Variants in NDRG3 observed in about 807,000 individuals in gnomAD.
NDRG3 encodes the protein protein NDRG3.
Under a neutral mutation model 57.2 loss-of-function variants are expected in NDRG3, and 23 were observed. The ratio of observed to expected loss-of-function variants is 0.40; its 90% CI spans 0.29 to 0.57. The LOEUF (loss-of-function observed/expected upper bound fraction) is 0.57, where lower values mean the gene tolerates loss of function less well. Among genes scored for constraint, NDRG3 ranks in the 20% least tolerant of loss-of-function variants. The pLI, the probability that NDRG3 is intolerant of heterozygous loss-of-function variation, is 0.42. For missense variants in NDRG3, 384 were observed against 457.3 expected (o/e 0.84, Z 1.46); for synonymous variants, 132 against 162.6 (o/e 0.81, Z 1.43).
intron 6 of NDRG3, among the ~76,000 whole-genome samples, chr20:36,684,020 G>C (rs887445707): frequency 1.3e-4 from 20 of 151,936 alleles, no homozygotes; most frequent in African/African-American, 4.6e-4. Context: ...TTAGATACAG[G>C]GTGTCTCACT....
At chr20:36,720,416 G>A (rs529947149) in intron 2 of NDRG3, among the ~76,000 whole-genome samples, 3 of 152,006 alleles carry the variant, frequency 2.0e-5, no homozygotes, top group South Asian at 4.2e-4. Context: ...CAAGTGATCC[G>A]TCAGCCTTGG....
At chr20:36,740,964 A>AT (rs1002314645) in intron 1 of NDRG3, among the ~76,000 whole-genome samples, 3 of 152,086 alleles carry the variant, frequency 2.0e-5, no homozygotes, top group Non-Finnish European at 4.4e-5. Context: ...TTCGTGTGCT[A>AT]TTTTCAAGTG....
At chr20:36,692,263 G>A (rs989012214) in intron 3 of NDRG3, among the ~76,000 whole-genome samples, 12 of 151,958 alleles carry the variant, frequency 7.9e-5, no homozygotes, top group Non-Finnish European at 1.2e-4. Flanking sequence ...TCTATCGCCC[G>A]CCCAGGCTGG....
intron 1 of NDRG3, among the ~76,000 whole-genome samples, chr20:36,740,944 T>G (rs1276363167): frequency 1.3e-5 from 2 of 152,106 alleles, no homozygotes; most frequent in Non-Finnish European, 2.9e-5. Context: ...ATAATCAAGC[T>G]AGCTAAGTTT....
intron 1 of NDRG3, among the ~76,000 whole-genome samples, chr20:36,730,299 G>A (rs1210016017): frequency 1.3e-5 from 2 of 151,124 alleles, no homozygotes; most frequent in South Asian, 2.1e-4. Flanking sequence ...TTTGTCACTC[G>A]GCTGGAGTGC....
intron 10 of NDRG3, 119 bp from the exon 11 acceptor site, chr20:36,665,420 C>G: frequency 1.2e-5 from 11 of 911,054 alleles, no homozygotes; most frequent in Non-Finnish European, 1.8e-5. Flanking sequence ...TCCTTCACAC[C>G]TGAGAAGGGA....
At chr20:36,693,072 CAAAAAAAAAAAAAAA>C (rs1166724972) in intron 3 of NDRG3, among the ~76,000 whole-genome samples, 2 of 4,526 alleles carry the variant, frequency 4.4e-4, no homozygotes, top group East Asian at 6.8e-3. Flanking sequence ...GACCCTGTCT[CAAAAAAAAAAAAAAA>C]AAAAAAAAAA....
At chr20:36,724,519 T>A (rs1275267) in intron 1 of NDRG3, among the ~76,000 whole-genome samples, 1 of 152,180 alleles carries the variant, frequency 6.6e-6, no homozygotes, top group Non-Finnish European at 1.5e-5. Context: ...ACTTAACTCT[T>A]AAAATATTGG....
At chr20:36,700,684 G>A (rs1352706295) in intron 3 of NDRG3, 3 of 320,270 alleles carry the variant, frequency 9.4e-6, no homozygotes, top group Non-Finnish European at 1.8e-5. Flanking sequence ...ATGAGCCTGT[G>A]CTCAAAGAGC....
At chr20:36,705,543 TG>T (rs1983503177) in intron 3 of NDRG3, among the ~76,000 whole-genome samples, 1 of 152,036 alleles carries the variant, frequency 6.6e-6, no homozygotes, top group African/African-American at 2.4e-5. Flanking sequence ...AACTATTTGC[TG>T]GGGGGTATAC....
At chr20:36,721,578 G>T in intron 2 of NDRG3, 101 bp downstream of exon 2, 1 of 692,908 alleles carries the variant, frequency 1.4e-6, no homozygotes, top group Non-Finnish European at 2.5e-6. Context: ...TGAAAGTCAA[G>T]CTAAATATGT....
At chr20:36,684,250 T>G (rs954061176) in intron 6 of NDRG3, among the ~76,000 whole-genome samples, 163 bp downstream of exon 6, 1 of 152,230 alleles carries the variant, frequency 6.6e-6, no homozygotes, top group African/African-American at 2.4e-5. Context: ...ACTGACTTAT[T>G]TTATAGAACT....
At chr20:36,702,422 G>A (rs893898746) in intron 3 of NDRG3, among the ~76,000 whole-genome samples, 13 of 151,920 alleles carry the variant, frequency 8.6e-5, no homozygotes, top group Admixed American at 6.6e-4. Flanking sequence ...AGGCGTGAGC[G>A]ACCGCGCCCG....
chr20:36,690,204 T>A (rs1350990675), intron 3 of NDRG3, among the ~76,000 whole-genome samples: 1 of 152,250 alleles, frequency 6.6e-6, no homozygotes, highest in Non-Finnish European at 1.5e-5. Flanking sequence ...GTTTGTACCC[T>A]CTACTCCTAA....
chr20:36,722,042 G>A (rs1358269172), intron 1 of NDRG3, among the ~76,000 whole-genome samples: 1 of 152,062 alleles, frequency 6.6e-6, no homozygotes, highest in African/African-American at 2.4e-5. Context: ...TTAGAATACG[G>A]CAAAAGTGAT....
At chr20:36,681,635 CAAA>C (rs1208145183) in intron 7 of NDRG3, among the ~76,000 whole-genome samples, 2 of 79,496 alleles carry the variant, frequency 2.5e-5, no homozygotes, top group Non-Finnish European at 2.6e-5. Flanking sequence ...GACTTCATCT[CAAA>C]AAAAAAAAAA....
intron 1 of NDRG3, among the ~76,000 whole-genome samples, chr20:36,727,962 G>A (rs1023986787): frequency 3.3e-5 from 5 of 152,136 alleles, no homozygotes; most frequent in Non-Finnish European, 7.3e-5. Flanking sequence ...TACTTGAAAG[G>A]CTAATGCAGG....
chr20:36,713,445 G>A (rs535718446), intron 2 of NDRG3, among the ~76,000 whole-genome samples: 1 of 152,248 alleles, frequency 6.6e-6, no homozygotes, highest in South Asian at 2.1e-4. Context: ...AAAAAAAGGG[G>A]GGTGTGAAAA....
intron 4 of NDRG3, among the ~76,000 whole-genome samples, chr20:36,688,374 T>TA (rs1404246997): frequency 5.4e-4 from 81 of 150,186 alleles, no homozygotes; most frequent in African/African-American, 1.9e-3. Context: ...GAAACATATT[T>TA]AAAAAAAAAA....
Sources: allele counts gnomAD v4.1 joint callset (sites outside exome capture counted in the v4.1 genomes callset), GRCh38; gene constraint gnomAD v4.1.1; transcripts MANE v1.5; gene names NCBI Gene and HGNC (gene_info 2026-07-23, HGNC 2026-07-21).